Variants in SLIT3 observed in about 807,000 individuals in gnomAD.
SLIT3 encodes the protein slit homolog 3 protein.
Under a neutral mutation model 184.0 loss-of-function variants are expected in SLIT3, and 68 were observed. The ratio of observed to expected loss-of-function variants is 0.37; its 90% CI spans 0.30 to 0.45. The LOEUF is 0.45. Among genes scored for constraint, SLIT3 ranks in the 20% least tolerant of loss-of-function variants. SLIT3 has a pLI of 1.00. For synonymous variants in SLIT3, 831 were observed against 828.6 expected (o/e 1.00, Z -0.05); for missense variants, 1,707 against 2,026.0 (o/e 0.84, Z 3.02).
intron 7 of SLIT3, 36 bp downstream of exon 7, chr5:168,823,224 G>C (rs542982574): frequency 6.4e-7 from 1 of 1,551,232 alleles, no homozygotes. Flanking sequence ...GTGAGGTAGG[G>C]AGAAAATGGG....
intron 4 of SLIT3, among the ~76,000 whole-genome samples, chr5:168,983,991 A>G (rs542647516): frequency 7.9e-5 from 12 of 152,158 alleles, no homozygotes; most frequent in Non-Finnish European, 1.0e-4. Flanking sequence ...TTGAGGCTGC[A>G]GTGAGCTATG....
intron 4 of SLIT3, among the ~76,000 whole-genome samples, chr5:169,002,927 T>C (rs1755770969): frequency 6.6e-6 from 1 of 152,212 alleles, no homozygotes; most frequent in South Asian, 2.1e-4. Flanking sequence ...GTTTTAACTG[T>C]ATGAAAACAA....
At chr5:168,670,046 G>T in intron 34 of SLIT3, 55 bp from the exon 35 acceptor site, 1 of 1,509,192 alleles carries the variant, frequency 6.6e-7, no homozygotes, top group Non-Finnish European at 9.2e-7. Context: ...GTGCTGCTGG[G>T]GACTCCCTCT....
intron 4 of SLIT3, among the ~76,000 whole-genome samples, chr5:169,134,467 C>T (rs1196535029): frequency 6.6e-6 from 1 of 152,202 alleles, no homozygotes; most frequent in Non-Finnish European, 1.5e-5. Flanking sequence ...CCCTTTCTCC[C>T]ACTCCCCCAT....
intron 12 of SLIT3, among the ~76,000 whole-genome samples, chr5:168,782,009 A>G (rs987435434): frequency 2.0e-5 from 3 of 152,206 alleles, no homozygotes; most frequent in East Asian, 1.9e-4. Context: ...CCTGAAGAAT[A>G]TTAAGTATTC....
intron 4 of SLIT3, among the ~76,000 whole-genome samples, chr5:169,008,318 C>T (rs1756005328): frequency 1.3e-5 from 2 of 152,166 alleles, no homozygotes; most frequent in Non-Finnish European, 2.9e-5. Context: ...TAATCTGTGG[C>T]CATGAAGCTG....
At chr5:168,908,298 G>A (rs909551141) in intron 4 of SLIT3, among the ~76,000 whole-genome samples, 12 of 152,030 alleles carry the variant, frequency 7.9e-5, no homozygotes, top group Non-Finnish European at 1.6e-4. Flanking sequence ...AGTGGTAGAC[G>A]AGTCACCTGG....
chr5:168,843,263 T>C (rs1018998963), intron 6 of SLIT3, among the ~76,000 whole-genome samples: 2 of 152,106 alleles, frequency 1.3e-5, no homozygotes, highest in Non-Finnish European at 2.9e-5. Flanking sequence ...CTCCAACCCG[T>C]TGCTAGTATC....
chr5:169,100,279 A>T (rs1442317934), intron 4 of SLIT3, among the ~76,000 whole-genome samples: 3 of 152,118 alleles, frequency 2.0e-5, no homozygotes, highest in Admixed American at 2.0e-4. Context: ...CGGGAAGGAG[A>T]GGACAGCAAA....
intron 20 of SLIT3, among the ~76,000 whole-genome samples, chr5:168,739,550 C>A (rs1266056133): frequency 1.3e-5 from 2 of 151,692 alleles, no homozygotes; most frequent in Non-Finnish European, 2.9e-5. Context: ...ACCCTCCCAG[C>A]TTCAAGTGAT....
chr5:169,059,755 T>C (rs1035813968), intron 4 of SLIT3, among the ~76,000 whole-genome samples: 1 of 152,174 alleles, frequency 6.6e-6, no homozygotes, highest in South Asian at 2.1e-4. Flanking sequence ...GCCCAGCAGG[T>C]TGAAGGCTGA....
intron 5 of SLIT3, among the ~76,000 whole-genome samples, chr5:168,851,775 T>A (rs1758688556): frequency 6.6e-6 from 1 of 152,168 alleles, no homozygotes; most frequent in Non-Finnish European, 1.5e-5. Context: ...TTATACCCCA[T>A]GGGGCTGACT....
intron 11 of SLIT3, among the ~76,000 whole-genome samples, chr5:168,788,656 G>T (rs548753460): frequency 6.6e-6 from 1 of 151,210 alleles, no homozygotes; most frequent in Non-Finnish European, 1.5e-5. Flanking sequence ...GGATACATCC[G>T]TGAACAAAAC....
At chr5:169,233,611 C>A (rs1261357523) in intron 3 of SLIT3, among the ~76,000 whole-genome samples, 2 of 152,164 alleles carry the variant, frequency 1.3e-5, no homozygotes, top group Non-Finnish European at 2.9e-5. Flanking sequence ...AACAAACCTG[C>A]ACATACCGCA....
chr5:168,808,770 G>T (rs903216337), intron 8 of SLIT3, among the ~76,000 whole-genome samples: 1 of 152,146 alleles, frequency 6.6e-6, no homozygotes, highest in Non-Finnish European at 1.5e-5. Context: ...GGAATTCTAC[G>T]GTGTGAAAGG....
At chr5:169,170,113 T>C (rs1481189763) in intron 4 of SLIT3, among the ~76,000 whole-genome samples, 3 of 152,008 alleles carry the variant, frequency 2.0e-5, no homozygotes, top group African/African-American at 7.2e-5. Flanking sequence ...GGATGGGAGG[T>C]AACAAATGTG....
intron 32 of SLIT3, among the ~76,000 whole-genome samples, chr5:168,682,665 G>A (rs1048749302): frequency 2.0e-5 from 3 of 152,118 alleles, no homozygotes; most frequent in Admixed American, 6.5e-5. Context: ...ACTGCAGGGC[G>A]GTTTTGCTTC....
chr5:169,298,527 G>A (rs558881769), intron 1 of SLIT3, among the ~76,000 whole-genome samples: 2 of 152,260 alleles, frequency 1.3e-5, no homozygotes, highest in South Asian at 2.1e-4. Context: ...ATGTAGTTGC[G>A]AGACCCCAAG....
At chr5:169,069,808 T>C (rs767617937) in intron 4 of SLIT3, among the ~76,000 whole-genome samples, 2 of 151,950 alleles carry the variant, frequency 1.3e-5, no homozygotes, top group Non-Finnish European at 2.9e-5. Flanking sequence ...GGTGAGTGTG[T>C]ACACCATGAG....
Sources: gnomAD v4.1 joint callset for allele counts (sites outside exome capture counted in the v4.1 genomes callset) on GRCh38, gnomAD v4.1.1 for gene constraint, MANE v1.5 for transcripts, NCBI Gene and HGNC (gene_info 2026-07-23, HGNC 2026-07-21) for gene names.